UNC5D: variants seen among roughly 807,000 people sequenced by gnomAD.
The protein encoded by UNC5D is netrin receptor UNC5D.
UNC5D carries 39 observed loss-of-function variants against 105.4 expected under a neutral mutation model. The ratio of observed to expected loss-of-function variants is 0.37; its 90% confidence interval spans 0.29 to 0.48. The LOEUF (loss-of-function observed/expected upper bound fraction) is 0.48, where lower values mean the gene tolerates loss of function less well. Among genes scored for constraint, UNC5D ranks in the 20% least tolerant of loss-of-function variants. The probability of loss-of-function intolerance (pLI) is 0.98; values close to 1 mark genes in which losing one functional copy is unlikely to be tolerated. For missense variants in UNC5D, 991 were observed against 1,202.4 expected, an observed-to-expected ratio of 0.82 and a Z score of 2.60; for synonymous variants, 452 against 450.4, an observed-to-expected ratio of 1.00 and a Z score of -0.04.
At chr8:35,312,049 G>C (rs911797443) in intron 1 of UNC5D, among the ~76,000 whole-genome samples, 3 of 152,110 alleles carry the variant, frequency 2.0e-5, no homozygotes, top group African/African-American at 7.2e-5. Flanking sequence ...CATTCAATCA[G>C]TATTTCATCC....
At chr8:35,609,570 G>GT (rs1227548202) in intron 4 of UNC5D, among the ~76,000 whole-genome samples, 1 of 152,154 alleles carries the variant, frequency 6.6e-6, no homozygotes, top group Non-Finnish European at 1.5e-5. Context: ...CTGTTACGTG[G>GT]TCAGGTCACC....
intron 4 of UNC5D, among the ~76,000 whole-genome samples, chr8:35,641,938 C>A (rs1822775924): frequency 6.6e-6 from 1 of 152,082 alleles, no homozygotes; most frequent in South Asian, 2.1e-4. Flanking sequence ...GGTACCATCT[C>A]ACTATTGAAT....
At chr8:35,626,692 A>G (rs551902269) in intron 4 of UNC5D, among the ~76,000 whole-genome samples, 2 of 152,352 alleles carry the variant, frequency 1.3e-5, no homozygotes, top group South Asian at 2.1e-4. Flanking sequence ...GGGAATATAT[A>G]TCATCCAGGC....
At chr8:35,237,357 T>C (rs1485848835) in intron 1 of UNC5D, among the ~76,000 whole-genome samples, 1 of 152,084 alleles carries the variant, frequency 6.6e-6, no homozygotes, top group Non-Finnish European at 1.5e-5. Flanking sequence ...AAATGTCTCA[T>C]TGCAAAGTCA....
chr8:35,717,963 T>G (rs1049589497), intron 8 of UNC5D, among the ~76,000 whole-genome samples: 3 of 152,340 alleles, frequency 2.0e-5, no homozygotes, highest in Admixed American at 2.0e-4. Context: ...AGCTCTCGAT[T>G]AATCTTTTCA....
intron 1 of UNC5D, among the ~76,000 whole-genome samples, chr8:35,407,086 C>T (rs1402372821): frequency 6.6e-6 from 1 of 152,062 alleles, no homozygotes; most frequent in Non-Finnish European, 1.5e-5. Context: ...TCTATATTTA[C>T]ATATGTTTAT....
At chr8:35,376,242 C>A (rs1585700117) in intron 1 of UNC5D, among the ~76,000 whole-genome samples, 2 of 152,298 alleles carry the variant, frequency 1.3e-5, no homozygotes, top group Middle Eastern at 6.8e-3. Flanking sequence ...TAGTTAGCAA[C>A]AGCAACAGGA....
intron 1 of UNC5D, among the ~76,000 whole-genome samples, chr8:35,470,279 A>G (rs1167357987): frequency 9.9e-5 from 15 of 152,166 alleles, no homozygotes; most frequent in Admixed American, 9.2e-4. Context: ...CCTCTTTTAA[A>G]TATGGTTTTG....
chr8:35,377,702 G>A (rs1802783676), intron 1 of UNC5D, among the ~76,000 whole-genome samples: 1 of 152,196 alleles, frequency 6.6e-6, no homozygotes, highest in African/African-American at 2.4e-5. Flanking sequence ...GAGGCAAGGG[G>A]AAGACATTCG....
intron 4 of UNC5D, among the ~76,000 whole-genome samples, chr8:35,676,266 A>C (rs550062073): frequency 2.0e-5 from 3 of 152,236 alleles, no homozygotes; most frequent in Non-Finnish European, 4.4e-5. Context: ...ACACTATGCT[A>C]ATGAATGCTG....
At chr8:35,673,150 G>A (rs952892556) in intron 4 of UNC5D, among the ~76,000 whole-genome samples, 12 of 152,154 alleles carry the variant, frequency 7.9e-5, no homozygotes, top group Non-Finnish European at 1.2e-4. Flanking sequence ...TGCAGTGTAG[G>A]TGGCTTTAAA....
At chr8:35,598,590 C>G (rs1819632922) in intron 4 of UNC5D, among the ~76,000 whole-genome samples, 1 of 152,172 alleles carries the variant, frequency 6.6e-6, no homozygotes, top group South Asian at 2.1e-4. Flanking sequence ...GAAGAGATAC[C>G]TGCACCCCCA....
Position 35,300,836 on chromosome 8 carries a change from C to G in UNC5D, c.103+64949C>G, listed in dbSNP as rs1019013683. On this transcript the variant is annotated intron_variant, in intron 1 of 16. Coordinates refer to ENST00000404895, the MANE Select transcript of UNC5D (RefSeq NM_080872.4). ...GTGGATTTCTTTGTATTGAAAAAAT[C>G]AAGTTACAAATAAGGAGAGGGAGGA... 7.9e-5 allele frequency among the ~76,000 whole-genome samples: 12 copies of G among 152,012 alleles called. 1 individual carries two copies. The highest frequency in any genetic ancestry group is 2.7e-4 in the African/African-American group (11 of 41,392).
intron 11 of UNC5D, among the ~76,000 whole-genome samples, chr8:35,732,239 G>A (rs933189143): frequency 2.0e-5 from 3 of 152,182 alleles, no homozygotes; most frequent in Admixed American, 2.0e-4. Context: ...GGATTTGTTG[G>A]TACTCAATGG....
At chr8:35,330,207 T>C (rs1409083592) in intron 1 of UNC5D, among the ~76,000 whole-genome samples, 1 of 152,230 alleles carries the variant, frequency 6.6e-6, no homozygotes, top group African/African-American at 2.4e-5. Context: ...ATAGTTTCCT[T>C]GTCTAATGCA....
intron 1 of UNC5D, among the ~76,000 whole-genome samples, chr8:35,370,001 TG>T (rs1248288718): frequency 1.3e-5 from 2 of 152,228 alleles, no homozygotes; most frequent in Non-Finnish European, 2.9e-5. Context: ...GTATTATATA[TG>T]ATCTTCCCTT....
chr8:35,716,024 G>C (rs768007497), intron 8 of UNC5D, among the ~76,000 whole-genome samples: 1 of 152,146 alleles, frequency 6.6e-6, no homozygotes, highest in African/African-American at 2.4e-5. Context: ...CCTGGGTGAG[G>C]TTGCATAGCA....
At chr8:35,294,700 T>C (rs1464257803) in intron 1 of UNC5D, among the ~76,000 whole-genome samples, 4 of 147,750 alleles carry the variant, frequency 2.7e-5, no homozygotes, top group African/African-American at 4.9e-5. Flanking sequence ...TTTTCTTCTT[T>C]TTTTTTTTTT....
chr8:35,559,881 A>T (rs1197172452), intron 2 of UNC5D, among the ~76,000 whole-genome samples: 1 of 152,184 alleles, frequency 6.6e-6, no homozygotes, highest in Non-Finnish European at 1.5e-5. Flanking sequence ...AAATAAGGGG[A>T]TTATAGCAAT....
Sources: gnomAD v4.1 joint callset for allele counts (sites outside exome capture counted in the v4.1 genomes callset) on GRCh38, gnomAD v4.1.1 for gene constraint, MANE v1.5 for transcripts, NCBI Gene and HGNC (gene_info 2026-07-23, HGNC 2026-07-21) for gene names.